Variants in SDK1 observed in about 807,000 individuals in gnomAD.
SDK1 encodes the protein protein sidekick-1.
Under a neutral mutation model 245.5 loss-of-function variants are expected in SDK1, and 157 were observed. The observed-to-expected ratio is 0.64, with a 90% confidence interval of 0.56 to 0.73. The LOEUF (loss-of-function observed/expected upper bound fraction) is 0.73, where lower values mean the gene tolerates loss of function less well. SDK1 is among the 30% of genes least tolerant of loss of function. SDK1 has a pLI of 0.00. For missense variants in SDK1, 3,583 were observed against 3,002.3 expected, an observed-to-expected ratio of 1.19 and a Z score of -4.52; for synonymous variants, 1,647 against 1,278.5, an observed-to-expected ratio of 1.29 and a Z score of -6.15.
chr7:3,793,762 G>A (rs1209882093), intron 4 of SDK1, among the ~76,000 whole-genome samples: 1 of 152,098 alleles, frequency 6.6e-6, no homozygotes, highest in African/African-American at 2.4e-5. Flanking sequence ...TAATGGCAGT[G>A]AGTGTGGTTA....
intron 1 of SDK1, among the ~76,000 whole-genome samples, chr7:3,326,488 T>G (rs1229176624): frequency 1.3e-5 from 2 of 152,076 alleles, no homozygotes; most frequent in African/African-American, 2.4e-5. Context: ...ATGAATACAG[T>G]TGTCTGGTAA....
At chr7:4,147,903 G>A (rs1440372096) in intron 29 of SDK1, among the ~76,000 whole-genome samples, 4 of 152,184 alleles carry the variant, frequency 2.6e-5, no homozygotes, top group Admixed American at 2.0e-4. Flanking sequence ...AGGCACGTGT[G>A]CAGGTGCATC....
intron 1 of SDK1, among the ~76,000 whole-genome samples, chr7:3,489,974 T>C (rs1781819488): frequency 6.6e-6 from 1 of 152,196 alleles, no homozygotes; most frequent in Admixed American, 6.5e-5. Flanking sequence ...ATTGTCAAGA[T>C]GGGTTTTTTT....
chr7:3,850,652 A>G (rs1045034644), intron 5 of SDK1, among the ~76,000 whole-genome samples: 3 of 152,204 alleles, frequency 2.0e-5, no homozygotes, highest in African/African-American at 7.2e-5. Context: ...TGTGGCACAT[A>G]TACACCATGG....
chr7:3,798,279 G>T (rs139027301), intron 4 of SDK1, among the ~76,000 whole-genome samples: 1 of 142,790 alleles, frequency 7.0e-6, no homozygotes, highest in African/African-American at 2.6e-5. Context: ...GTGCAGTGGC[G>T]CGATCTCAGC....
At chr7:4,119,402 C>A (rs930081638) in intron 25 of SDK1, among the ~76,000 whole-genome samples, 1 of 148,494 alleles carries the variant, frequency 6.7e-6, no homozygotes, top group Admixed American at 6.7e-5. Flanking sequence ...CTGCCATGAA[C>A]TACGATCATA....
At chr7:3,793,413 C>T (rs1778867809) in intron 4 of SDK1, among the ~76,000 whole-genome samples, 1 of 152,072 alleles carries the variant, frequency 6.6e-6, no homozygotes, top group South Asian at 2.1e-4. Flanking sequence ...AAAATCCTGC[C>T]CAGCGATTGA....
chr7:3,822,914 G>A (rs776449210), intron 5 of SDK1, among the ~76,000 whole-genome samples: 1 of 152,172 alleles, frequency 6.6e-6, no homozygotes, highest in African/African-American at 2.4e-5. Flanking sequence ...GGCGTCTGTG[G>A]GAGTTAACTG....
intron 4 of SDK1, among the ~76,000 whole-genome samples, chr7:3,820,980 G>A (rs771259167): frequency 2.0e-5 from 3 of 152,326 alleles, no homozygotes; most frequent in Middle Eastern, 6.8e-3. Context: ...TTCCTTCTAC[G>A]CACCAGTGTA....
intron 14 of SDK1, among the ~76,000 whole-genome samples, chr7:3,997,282 TGAA>T (rs1388982747): frequency 2.6e-5 from 4 of 152,282 alleles, no homozygotes; most frequent in African/African-American, 9.6e-5. Flanking sequence ...GTGAGGAAGA[TGAA>T]GAGGAGCTTT....
intron 4 of SDK1, among the ~76,000 whole-genome samples, chr7:3,718,916 C>A (rs547389921): frequency 6.0e-4 from 92 of 152,276 alleles, no homozygotes; most frequent in South Asian, 3.7e-3. Flanking sequence ...ATAAGTGATT[C>A]CAGCAAGCTT....
chr7:3,474,637 C>A (rs1431778739), intron 1 of SDK1, among the ~76,000 whole-genome samples: 2 of 152,168 alleles, frequency 1.3e-5, no homozygotes, highest in Non-Finnish European at 2.9e-5. Context: ...CCATGTCTTT[C>A]CACCTCTAAT....
In SDK1 at chr7:3,922,098, T is replaced by C. The variant is rs189533258; in HGVS notation, c.848-28825T>C. ...TTCTTTACCAGCCTGGTTTGCTTACTTCTTTTGCCATAAGACTCAATTTTA... is the reference window on the plus strand; with the variant it reads ...TTCTTTACCAGCCTGGTTTGCTTACCTCTTTTGCCATAAGACTCAATTTTA... On this transcript the variant is annotated intron_variant, in intron 5 of 44. Transcript: ENST00000404826. Among the ~76,000 whole-genome samples the C allele has an allele frequency of 3.6e-4, 55 of 152,344 alleles. No homozygotes were observed. The East Asian group carries it at 9.5e-3, about 26-fold the overall frequency.
intron 26 of SDK1, among the ~76,000 whole-genome samples, chr7:4,128,279 C>T (rs1003249943): frequency 6.6e-6 from 1 of 152,204 alleles, no homozygotes; most frequent in African/African-American, 2.4e-5. Flanking sequence ...CTTTGTTTTC[C>T]CCGCCTGCTC....
At chr7:4,195,317 C>T (rs1001101591) in intron 35 of SDK1, among the ~76,000 whole-genome samples, 10 of 152,196 alleles carry the variant, frequency 6.6e-5, no homozygotes, top group Admixed American at 1.3e-4. Context: ...CTCGCGTCCC[C>T]GGTCTTGCCC....
chr7:3,611,224 A>C (rs966596717), intron 1 of SDK1, among the ~76,000 whole-genome samples: 2 of 152,218 alleles, frequency 1.3e-5, no homozygotes, highest in African/African-American at 2.4e-5. Flanking sequence ...GTATTTAGAA[A>C]TATTTATGAT....
chr7:3,691,105 G>A (rs1253464678), intron 4 of SDK1, among the ~76,000 whole-genome samples: 1 of 152,156 alleles, frequency 6.6e-6, no homozygotes, highest in East Asian at 1.9e-4. Flanking sequence ...TTGACAGGAA[G>A]CTTACCAATT....
chr7:3,480,607 C>T (rs1184124869), intron 1 of SDK1, among the ~76,000 whole-genome samples: 1 of 152,260 alleles, frequency 6.6e-6, no homozygotes, highest in African/African-American at 2.4e-5. Context: ...ATGTGGACTT[C>T]TCATTTTTTC....
At chr7:3,487,492 A>G (rs1781735615) in intron 1 of SDK1, among the ~76,000 whole-genome samples, 1 of 152,126 alleles carries the variant, frequency 6.6e-6, no homozygotes, top group South Asian at 2.1e-4. Context: ...TGGTAATCCC[A>G]GCACTTTAGG....
Sources: allele counts gnomAD v4.1 joint callset (sites outside exome capture counted in the v4.1 genomes callset), GRCh38; gene constraint gnomAD v4.1.1; transcripts MANE v1.5; gene names NCBI Gene and HGNC (gene_info 2026-07-23, HGNC 2026-07-21).